RINT1: variants seen among roughly 807,000 people sequenced by gnomAD.
RINT1 encodes RAD50-interacting protein 1.
A neutral mutation model predicts 97.7 loss-of-function variants in RINT1; 75 were observed. That is an observed-to-expected ratio of 0.77 (90% confidence interval 0.64 to 0.93). The LOEUF (loss-of-function observed/expected upper bound fraction) is 0.93. Ranked by LOEUF, RINT1 falls within the 40% of genes least tolerant of loss-of-function variation. The pLI, the probability that RINT1 is intolerant of heterozygous loss-of-function variation, is 0.00. For synonymous variants in RINT1, 303 were observed against 326.3 expected (o/e 0.93, Z 0.77); for missense variants, 892 against 925.2 (o/e 0.96, Z 0.47).
chr7:105,560,566 G>T (rs955124128), intron 11 of RINT1, among the ~76,000 whole-genome samples: 29 of 152,108 alleles, frequency 1.9e-4, no homozygotes, highest in African/African-American at 6.5e-4. Flanking sequence ...TTAACCACCA[G>T]ATTTTATGGT....
At chr7:105,562,805 A>C (rs1791496411) in intron 11 of RINT1, among the ~76,000 whole-genome samples, 1 of 152,198 alleles carries the variant, frequency 6.6e-6, no homozygotes, top group South Asian at 2.1e-4. Context: ...TAGGAGACTG[A>C]GGCAGGAGAA....
chr7:105,552,743 G>T (rs893683330), intron 10 of RINT1, among the ~76,000 whole-genome samples: 1 of 126,512 alleles, frequency 7.9e-6, no homozygotes, highest in Admixed American at 1.1e-4. Flanking sequence ...GCATGATCTC[G>T]GCTCACTGCA....
At chr7:105,561,315 G>A (rs902609263) in intron 11 of RINT1, among the ~76,000 whole-genome samples, 2 of 151,912 alleles carry the variant, frequency 1.3e-5, no homozygotes, top group Non-Finnish European at 2.9e-5. Context: ...ATCACCTGAG[G>A]TCAGGAGTTC....
In RINT1 at chr7:105,546,995, C is replaced by G; in HGVS notation, c.601C>G (p.Leu201Val). The change falls in exon 5 of 15, where the codon CTT becomes GTT. Residue 201 changes from leucine to valine, a missense_variant. Physicochemically the swap from Leu to Val is conservative, Grantham distance 32. Transcript: ENST00000257700. ...GTCTATGGCAGAACTTGACATTAAA[C>G]TTCAGGAATCATCTTGTACTCATCT... ...LVSMAELDIK[L>V]QESSCTHLLG... 1.2e-6 allele frequency: 2 copies of G among 1,613,912 alleles called. No homozygotes were observed. The highest frequency in any genetic ancestry group is 1.7e-6 in the Non-Finnish European group (2 of 1,179,808).
chr7:105,552,962 G>A (rs1241065735), intron 10 of RINT1, among the ~76,000 whole-genome samples: 4 of 151,640 alleles, frequency 2.6e-5, no homozygotes, highest in Non-Finnish European at 4.4e-5. Context: ...ATGAGCCACC[G>A]TGCCCAGTCA....
chr7:105,546,846 A>G lies in RINT1; in HGVS notation c.516-64A>G, dbSNP rs530039247. 19 of 1,263,296 alleles carry G rather than the reference A, an allele frequency of 1.5e-5. No individual in the cohort carries two copies. In the African/African-American group the frequency reaches 1.9e-4, roughly 13 times the overall value. The allele number at this position is 1,263,296 out of a possible 1,614,324, so 78.3% of individuals were successfully genotyped here. ...AGCCAAATCATGCCACTGCACTCCA[A>G]CCTGGGCAACAGAGTGAGACTCTGT... On this transcript the variant is annotated intron_variant, in intron 4 of 14. Transcript: ENST00000257700.
In RINT1 at chr7:105,536,609, G is replaced by A. The variant is rs1382184435; in HGVS notation, c.133G>A (p.Glu45Lys). 1.2e-6 allele frequency: 2 copies of A among 1,607,658 alleles called. No homozygotes were observed. Among genetic ancestry groups the A allele is most frequent in the South Asian group, 2.2e-5 (2 of 89,368 alleles). ...TCTTATTGGAAGTAAACAAGTCAGT[G>A]AAGGTACAGATAATGGTGATCTCCC... Reference protein sequence around the residue: ...TVLIGSKQVSEGTDNGDLPSY... With the variant: ...TVLIGSKQVSKGTDNGDLPSY... The change falls in exon 3 of 15, where the codon GAA (glutamate) becomes AAA (lysine). Residue 45 changes from glutamate to lysine, a missense_variant. By Grantham distance (56) the Glu-to-Lys change is moderately conservative. Coordinates refer to ENST00000257700, the MANE Select transcript of RINT1 (RefSeq NM_021930.6).
chr7:105,535,227 AC>A (rs1460140049), intron 2 of RINT1, among the ~76,000 whole-genome samples: 1 of 140,866 alleles, frequency 7.1e-6, no homozygotes, highest in Non-Finnish European at 1.5e-5. Context: ...AAGCTTAAAA[AC>A]CTTTTTTTTT....
In RINT1 at chr7:105,532,235, A is replaced by G. The variant is rs1041321966; in HGVS notation, c.-81A>G. The stretch of plus-strand genomic sequence containing the variant: ...AGTCCTACGGCCTCCGAGGCTGGGT[A>G]GTGAGTGTGTCGCTGGCCTTAGCCA... On this transcript the variant is annotated 5_prime_UTR_variant, in exon 1 of 15. Transcript: ENST00000257700. 6.2e-6 allele frequency: 9 copies of G among 1,455,998 alleles called. No individual in the cohort carries two copies. Among genetic ancestry groups the G allele is most frequent in the Non-Finnish European group, 8.4e-6 (9 of 1,076,880 alleles). 90.2% of individuals were successfully genotyped at this position (1,455,998 alleles called of 1,614,324 possible).
Position 105,548,595 on chromosome 7 carries a change from A to G in RINT1, c.881A>G (p.Tyr294Cys), listed in dbSNP as rs1159218667. 1.9e-6 allele frequency: 3 copies of G among 1,613,834 alleles called. No individual in the cohort carries two copies. The highest frequency in any genetic ancestry group is 2.5e-6 in the Non-Finnish European group (3 of 1,179,994). The part of the protein sequence containing the change: ...LTEPKQLPEK[Y>C]SLPASPSVIL... Reference sequence around the variant, plus strand: ...GAGCCAAAGCAACTCCCAGAAAAATACTCTCTTCCTGCCTCCCCTTCTGTC... The same window carrying G: ...GAGCCAAAGCAACTCCCAGAAAAATGCTCTCTTCCTGCCTCCCCTTCTGTC... Residue 294 changes from tyrosine to cysteine, a missense_variant, in exon 7 of 15, where the codon TAC (tyrosine) becomes TGC (cysteine). Tyr to Cys is a radical substitution (Grantham distance 194). Transcript: ENST00000257700.
chr7:105,537,751 G>T (rs1052631786), intron 3 of RINT1, among the ~76,000 whole-genome samples: 1 of 151,612 alleles, frequency 6.6e-6, no homozygotes, highest in Non-Finnish European at 1.5e-5. Flanking sequence ...CAGGAGAATC[G>T]CTTGAACCCA....
chr7:105,548,801 T>C, intron 7 of RINT1, 91 bp downstream of exon 7: 2 of 1,233,602 alleles, frequency 1.6e-6, no homozygotes, highest in Non-Finnish European at 2.3e-6. Context: ...AATCTGACTC[T>C]CTTCACATTT....
chr7:105,545,530 AT>A (rs527695679), intron 4 of RINT1, among the ~76,000 whole-genome samples: 18,104 of 139,928 alleles, frequency 0.13, 1,441 homozygotes, highest in South Asian at 0.25. Flanking sequence ...ATATATATAT[AT>A]TTTTTTTTTT....
intron 2 of RINT1, among the ~76,000 whole-genome samples, chr7:105,533,812 C>T (rs1313823058): frequency 6.6e-6 from 1 of 152,188 alleles, no homozygotes; most frequent in Non-Finnish European, 1.5e-5. Flanking sequence ...ACCTTTGCCT[C>T]ATTCAGATGC....
chr7:105,533,761 G>A (rs1790122473), intron 2 of RINT1, among the ~76,000 whole-genome samples: 1 of 152,166 alleles, frequency 6.6e-6, no homozygotes, highest in Non-Finnish European at 1.5e-5. Flanking sequence ...ATTTCAGAGT[G>A]CCTTGTATCT....
intron 1 of RINT1, 22 bp from the exon 2 acceptor site, chr7:105,532,802 G>T: frequency 1.2e-6 from 2 of 1,613,774 alleles, no homozygotes; most frequent in South Asian, 2.2e-5. Flanking sequence ...TAATGTGCTT[G>T]TCACATCTGT....
intron 9 of RINT1, among the ~76,000 whole-genome samples, chr7:105,550,826 C>T (rs1790895163): frequency 6.6e-6 from 1 of 152,034 alleles, no homozygotes; most frequent in Non-Finnish European, 1.5e-5. Context: ...TTGATCTCAG[C>T]TCATTGCAAC....
At chr7:105,543,841 A>T (rs1562844838) in intron 4 of RINT1, among the ~76,000 whole-genome samples, 1 of 152,042 alleles carries the variant, frequency 6.6e-6, no homozygotes. Flanking sequence ...CTGTAATCCC[A>T]GCACTTTGGG....
intron 5 of RINT1, 32 bp downstream of exon 5, chr7:105,547,115 G>T (rs937209137): frequency 1.7e-5 from 27 of 1,612,796 alleles, no homozygotes; most frequent in Non-Finnish European, 2.3e-5. Flanking sequence ...TGTGGTAATT[G>T]CTTTCCGATG....
Sources: allele counts gnomAD v4.1 joint callset (sites outside exome capture counted in the v4.1 genomes callset), GRCh38; gene constraint gnomAD v4.1.1; transcripts MANE v1.5; gene names NCBI Gene and HGNC (gene_info 2026-07-23, HGNC 2026-07-21).